Variants in IFI16 observed in about 807,000 individuals in gnomAD.
IFI16 encodes interferon gamma inducible protein 16.
A neutral mutation model predicts 68.4 loss-of-function variants in IFI16; 49 were observed. The ratio of observed to expected loss-of-function variants is 0.72; its 90% CI spans 0.57 to 0.91. The LOEUF (loss-of-function observed/expected upper bound fraction) is 0.91, where lower values mean the gene tolerates loss of function less well. Among genes scored for constraint, IFI16 ranks in the 40% least tolerant of loss-of-function variants. The pLI is 0.00. For missense variants in IFI16, 878 were observed against 942.9 expected (o/e 0.93, Z 0.90); for synonymous variants, 307 against 315.0 (o/e 0.97, Z 0.27).
chr1:159,043,765 A>G (rs1415587167), intron 7 of IFI16, among the ~76,000 whole-genome samples: 1 of 152,244 alleles, frequency 6.6e-6, no homozygotes, highest in Non-Finnish European at 1.5e-5. Context: ...GAGGGAAAAC[A>G]AATGCTTGCA....
chr1:159,053,793 G>C, intron 11 of IFI16, 69 bp downstream of exon 11: 1 of 1,194,866 alleles, frequency 8.4e-7, no homozygotes, highest in Non-Finnish European at 1.2e-6. Context: ...AAGAAGACTA[G>C]ACTGCTACTA....
upstream of IFI16, among the ~76,000 whole-genome samples, chr1:159,002,113 T>C (rs923766860): frequency 2.6e-5 from 4 of 152,230 alleles, no homozygotes; most frequent in African/African-American, 9.6e-5. Flanking sequence ...GTATGCCTGA[T>C]ACAAAACAGC....
At chr1:159,004,343 C>T (rs1652173380), upstream of IFI16, among the ~76,000 whole-genome samples, 1 of 151,748 alleles carries the variant, frequency 6.6e-6, no homozygotes, top group African/African-American at 2.4e-5. Flanking sequence ...ATCTAAATTT[C>T]AGTTAATTTT....
chr1:159,011,332 G>A lies in IFI16; in HGVS notation c.-21+1171G>A, dbSNP rs12076572. On this transcript the variant is annotated intron_variant, in intron 1 of 11. Transcript: ENST00000295809. ...CAGGAGGCAGAGGTTGCAGTGAGCCGAGACTGTGCCACTACACTCCAGCCT... is the reference window on the plus strand; with the variant it reads ...CAGGAGGCAGAGGTTGCAGTGAGCCAAGACTGTGCCACTACACTCCAGCCT... Among the ~76,000 whole-genome samples the A allele has an allele frequency of 1.4e-3, 219 of 151,518 alleles. 1 individual carries two copies. Among genetic ancestry groups the A allele is most frequent in the Middle Eastern group, 0.01 (3 of 292 alleles).
intron 10 of IFI16, 48 bp from the exon 11 acceptor site, chr1:159,053,485 A>T: frequency 7.3e-7 from 1 of 1,370,372 alleles, no homozygotes; most frequent in South Asian, 1.3e-5. Flanking sequence ...ATAGATTTGA[A>T]AATTATTGAT....
intron 7 of IFI16, among the ~76,000 whole-genome samples, chr1:159,043,553 T>G (rs1654794575): frequency 6.6e-6 from 1 of 152,226 alleles, no homozygotes; most frequent in African/African-American, 2.4e-5. Flanking sequence ...AGTCTGTGAT[T>G]CGCAACGTAA....
chr1:159,037,455 C>CT (rs1385217511), intron 7 of IFI16, among the ~76,000 whole-genome samples: 2 of 152,298 alleles, frequency 1.3e-5, no homozygotes, highest in East Asian at 3.9e-4. Context: ...GTTCATTGTG[C>CT]TTTTGGATTC....
chr1:159,013,424 T>C (rs1652712532), intron 1 of IFI16, among the ~76,000 whole-genome samples: 1 of 152,114 alleles, frequency 6.6e-6, no homozygotes, highest in African/African-American at 2.4e-5. Context: ...CACCTCGGCC[T>C]CCCAACATGC....
chr1:159,049,811 ATGTT>A (rs370168706), intron 9 of IFI16, among the ~76,000 whole-genome samples: 2 of 152,290 alleles, frequency 1.3e-5, no homozygotes, highest in East Asian at 1.9e-4. Flanking sequence ...GTATAATTAG[ATGTT>A]TGTTTAATTT....
At chr1:159,042,544 T>C (rs7513121) in intron 7 of IFI16, among the ~76,000 whole-genome samples, 14,194 of 152,140 alleles carry the variant, frequency 0.093, 2,199 homozygotes, top group African/African-American at 0.32. Context: ...TTTTTCCATC[T>C]CAGTTCTGTC....
chr1:159,005,222 A>G (rs1652210648), upstream of IFI16, among the ~76,000 whole-genome samples: 2 of 152,206 alleles, frequency 1.3e-5, 1 homozygote, highest in South Asian at 4.1e-4. Context: ...TGTTCTGTAT[A>G]AATTACCCAG....
At chr1:159,049,872 G>C (rs1266277583) in intron 9 of IFI16, among the ~76,000 whole-genome samples, 5 of 151,512 alleles carry the variant, frequency 3.3e-5, no homozygotes, top group African/African-American at 1.2e-4. Flanking sequence ...AATACATCAT[G>C]AAAATCATAC....
chr1:159,049,359 G>A lies in IFI16; in HGVS notation c.1498-73G>A, dbSNP rs984456950. 3 of 756,868 alleles carry A rather than the reference G, an allele frequency of 4.0e-6. No homozygotes were observed. In the African/African-American group the frequency reaches 5.7e-5, roughly 14 times the overall value. 46.9% of individuals were successfully genotyped at this position (756,868 alleles called of 1,614,324 possible). A position where few individuals can be genotyped will look rare whatever the true frequency, so the allele number is the denominator to read the frequency against. ...AACATCCTATTTAAAAAAGAAAAAA[G>A]GAAAAGATGTGTTTCATCTGATCTT... On this transcript the variant is annotated intron_variant, in intron 8 of 11. Coordinates refer to ENST00000295809, the MANE Select transcript of IFI16 (RefSeq NM_001376587.1).
At chr1:159,014,489 C>T in intron 1 of IFI16, among the ~76,000 whole-genome samples, 172 bp from the exon 2 acceptor site, 1 of 152,188 alleles carries the variant, frequency 6.6e-6, no homozygotes, top group East Asian at 1.9e-4. Context: ...ACATTCCTAA[C>T]CCAGCAGTTC....
At chr1:159,021,640 A>G (rs757467626) in intron 6 of IFI16, among the ~76,000 whole-genome samples, 3 of 152,216 alleles carry the variant, frequency 2.0e-5, no homozygotes, top group African/African-American at 7.2e-5. Context: ...GCTGGATCAA[A>G]TGGTAGATCT....
rs1489192378 is a variant in IFI16, at chr1:159,048,419, A to G, written c.1498-1013A>G. Among the ~76,000 whole-genome samples, 3 of 151,680 alleles carry G rather than the reference A, an allele frequency of 2.0e-5. No homozygotes were observed. In the South Asian group the frequency reaches 6.2e-4, roughly 32 times the overall value. On this transcript the variant is annotated intron_variant, in intron 8 of 11. Transcript: ENST00000295809. ...AGTATTAGAGTCAGGATTCAAATGC[A>G]GCCTTATTGAACTTAAAATGTTAAC...
intron 7 of IFI16, among the ~76,000 whole-genome samples, chr1:159,037,063 A>T (rs1654368136): frequency 6.6e-6 from 1 of 152,228 alleles, no homozygotes. Flanking sequence ...GGCTATGCCT[A>T]GTGAAGTCAT....
At position 159,051,809 on chromosome 1, in the gene IFI16, T is replaced by C; in HGVS notation, c.1796T>C (p.Met599Thr). 1 of 1,613,998 alleles carries C rather than the reference T, an allele frequency of 6.2e-7. No homozygotes were observed. Among genetic ancestry groups the C allele is most frequent in the Non-Finnish European group, 8.5e-7 (1 of 1,179,946 alleles). ...FVYEPKEQKK[M>T]FHATVATENE... Reference sequence around the variant, plus strand: ...TATGAGCCCAAAGAGCAGAAGAAAATGTTTCATGCCACAGTGGCAACTGAG... The same window carrying C: ...TATGAGCCCAAAGAGCAGAAGAAAACGTTTCATGCCACAGTGGCAACTGAG... The change falls in exon 10 of 12, where the codon ATG becomes ACG. Residue 599 changes from methionine (M) to threonine (T), a missense_variant. Met to Thr is a moderately conservative substitution (Grantham distance 81). This residue lies in a region of IFI16 where 311 missense variants were observed against 305.1 expected (regional missense o/e 1.02). Coordinates refer to ENST00000295809, the MANE Select transcript of IFI16 (RefSeq NM_001376587.1).
chr1:159,005,694 A>C (rs1241895026), upstream of IFI16, among the ~76,000 whole-genome samples: 1 of 152,184 alleles, frequency 6.6e-6, no homozygotes, highest in East Asian at 1.9e-4. Flanking sequence ...CATTGTTGTG[A>C]AAACGTGTTC....
Sources: gnomAD v4.1 joint callset for allele counts (sites outside exome capture counted in the v4.1 genomes callset) on GRCh38, gnomAD v4.1.1 for gene constraint, gnomAD v4.1.1 regional missense constraint, MANE v1.5 for transcripts, NCBI Gene and HGNC (gene_info 2026-07-23, HGNC 2026-07-21) for gene names.